Variants in HAPLN1 observed in about 807,000 individuals in gnomAD.
HAPLN1 encodes hyaluronan and proteoglycan link protein 1.
A neutral mutation model predicts 36.5 loss-of-function variants in HAPLN1; 13 were observed. That is an observed-to-expected ratio of 0.36 (90% CI 0.23 to 0.57). The LOEUF (loss-of-function observed/expected upper bound fraction) is 0.57. Among genes scored for constraint, HAPLN1 ranks in the 20% least tolerant of loss-of-function variants. The probability of loss-of-function intolerance (pLI) is 0.83; values close to 1 mark genes in which losing one functional copy is unlikely to be tolerated. For missense variants in HAPLN1, 407 were observed against 439.7 expected, an observed-to-expected ratio of 0.93 and a Z score of 0.66; for synonymous variants, 202 against 169.8, an observed-to-expected ratio of 1.19 and a Z score of -1.48.
intron 2 of HAPLN1, among the ~76,000 whole-genome samples, chr5:83,662,856 T>C (rs1359392456): frequency 6.6e-6 from 1 of 152,256 alleles, no homozygotes; most frequent in East Asian, 1.9e-4. Context: ...TGGTTGTATA[T>C]ACTGATAAGG....
intron 1 of HAPLN1, chr5:83,682,401 T>C (rs950358840): frequency 3.9e-5 from 6 of 152,206 alleles, no homozygotes; most frequent in African/African-American, 1.4e-4. Context: ...GATTTTGTAC[T>C]ACATACAATG....
intron 1 of HAPLN1, among the ~76,000 whole-genome samples, chr5:83,678,551 G>A (rs1750916611): frequency 6.6e-6 from 1 of 152,174 alleles, no homozygotes; most frequent in African/African-American, 2.4e-5. Context: ...AACACTGGCT[G>A]TGGACTTTGG....
At chr5:83,663,679 T>C (rs1750473824) in intron 2 of HAPLN1, among the ~76,000 whole-genome samples, 1 of 152,184 alleles carries the variant, frequency 6.6e-6, no homozygotes, top group Admixed American at 6.5e-5. Flanking sequence ...CTCAATTTAG[T>C]TTATGCCTCC....
intron 1 of HAPLN1, among the ~76,000 whole-genome samples, chr5:83,689,467 T>C (rs1751219557): frequency 1.3e-5 from 2 of 151,868 alleles, no homozygotes; most frequent in Non-Finnish European, 2.9e-5. Context: ...AACTACAACT[T>C]TTTTTTCACT....
chr5:83,701,251 A>T (rs1477902508), intron 1 of HAPLN1, among the ~76,000 whole-genome samples: 2 of 152,244 alleles, frequency 1.3e-5, no homozygotes, highest in African/African-American at 4.8e-5. Flanking sequence ...CGTCCCAAAT[A>T]TGGAAAAGCT....
At chr5:83,650,621 A>C (rs2112563790) in intron 3 of HAPLN1, among the ~76,000 whole-genome samples, 1 of 148,254 alleles carries the variant, frequency 6.7e-6, no homozygotes, top group East Asian at 2.0e-4. Context: ...CTAGGAGAAA[A>C]AAATTCTTTT....
chr5:83,677,401 T>C (rs549707016), intron 1 of HAPLN1, among the ~76,000 whole-genome samples: 1 of 152,300 alleles, frequency 6.6e-6, no homozygotes, highest in Non-Finnish European at 1.5e-5. Flanking sequence ...CCTCCTTTAA[T>C]GCTTCATGCA....
chr5:83,644,098 C>T (rs974642820), intron 4 of HAPLN1, among the ~76,000 whole-genome samples: 1 of 152,138 alleles, frequency 6.6e-6, no homozygotes, highest in African/African-American at 2.4e-5. Flanking sequence ...AGACCTCAAG[C>T]CACATAACAG....
At chr5:83,683,059 T>A (rs1751044411) in intron 1 of HAPLN1, among the ~76,000 whole-genome samples, 2 of 152,170 alleles carry the variant, frequency 1.3e-5, no homozygotes, top group African/African-American at 4.8e-5. Flanking sequence ...ATTTTAAAAC[T>A]TTTATATAAG....
chr5:83,648,558 T>C (rs1749953612), intron 3 of HAPLN1, among the ~76,000 whole-genome samples: 1 of 145,148 alleles, frequency 6.9e-6, no homozygotes. Context: ...ACATGAAGAA[T>C]TTTTTTTTCT....
At chr5:83,684,978 G>T (rs1402204803) in intron 1 of HAPLN1, among the ~76,000 whole-genome samples, 10 of 152,074 alleles carry the variant, frequency 6.6e-5, no homozygotes, top group African/African-American at 2.4e-4. Flanking sequence ...AAAATATAAA[G>T]ATTTCAAAAT....
chr5:83,643,092 G>A (rs761546018), intron 4 of HAPLN1, among the ~76,000 whole-genome samples: 3 of 152,108 alleles, frequency 2.0e-5, no homozygotes, highest in Admixed American at 6.5e-5. Flanking sequence ...AGGAGGCTGA[G>A]GCAGGCTGAT....
At chr5:83,714,160 T>C (rs1371539833) in intron 1 of HAPLN1, among the ~76,000 whole-genome samples, 1 of 152,108 alleles carries the variant, frequency 6.6e-6, no homozygotes, top group East Asian at 1.9e-4. Context: ...CAGGCATTCG[T>C]ATCTCCAAGC....
intron 1 of HAPLN1, among the ~76,000 whole-genome samples, chr5:83,697,494 C>T (rs1751416844): frequency 6.6e-6 from 1 of 152,148 alleles, no homozygotes. Context: ...AATAATGCTG[C>T]TATTAACACC....
intron 1 of HAPLN1, among the ~76,000 whole-genome samples, chr5:83,709,326 C>T (rs748794400): frequency 1.3e-5 from 2 of 152,120 alleles, no homozygotes; most frequent in African/African-American, 2.4e-5. Flanking sequence ...TAAAAATAAT[C>T]TAATTTCTTA....
chr5:83,704,566 A>T (rs1585153), intron 1 of HAPLN1, among the ~76,000 whole-genome samples: 114,761 of 152,056 alleles, frequency 0.75, 43,459 homozygotes, highest in East Asian at 0.83. Flanking sequence ...GAAAATCTAC[A>T]AAGCAAATGG....
intron 2 of HAPLN1, among the ~76,000 whole-genome samples, chr5:83,664,356 C>T (rs1046102448): frequency 6.6e-6 from 1 of 152,098 alleles, no homozygotes; most frequent in Non-Finnish European, 1.5e-5. Context: ...CCCCTCAGTG[C>T]TCTCTCACAA....
chr5:83,665,337 A>G (rs188979087), intron 2 of HAPLN1, among the ~76,000 whole-genome samples: 1 of 152,342 alleles, frequency 6.6e-6, no homozygotes, highest in Admixed American at 6.5e-5. Context: ...ATAAGGCTAC[A>G]TTATACATAT....
At chr5:83,684,172 C>A (rs914189591) in intron 1 of HAPLN1, among the ~76,000 whole-genome samples, 1 of 152,114 alleles carries the variant, frequency 6.6e-6, no homozygotes, top group Non-Finnish European at 1.5e-5. Flanking sequence ...GCTAAGTGAA[C>A]AATCTGAGCA....
Sources: allele counts gnomAD v4.1 joint callset (sites outside exome capture counted in the v4.1 genomes callset), GRCh38; gene constraint gnomAD v4.1.1; transcripts MANE v1.5; gene names NCBI Gene and HGNC (gene_info 2026-07-23, HGNC 2026-07-21).